Variants in CDH13 observed in about 807,000 individuals in gnomAD.
CDH13 encodes the protein cadherin-13.
In CDH13, 24 loss-of-function variants were observed where a neutral mutation model predicts 63.8. The observed-to-expected ratio is 0.38, with a 90% confidence interval of 0.27 to 0.53. CDH13 has a LOEUF of 0.53. CDH13 is among the 20% of genes least tolerant of loss of function. The pLI is 0.85. For synonymous variants in CDH13, 503 were observed against 355.3 expected, an observed-to-expected ratio of 1.42 and a Z score of -4.67; for missense variants, 1,049 against 903.1, an observed-to-expected ratio of 1.16 and a Z score of -2.07.
intron 1 of CDH13, among the ~76,000 whole-genome samples, chr16:82,697,241 T>C (rs542159960): frequency 8.5e-5 from 13 of 152,106 alleles, no homozygotes; most frequent in Admixed American, 7.2e-4. Flanking sequence ...AAAGAAGGCG[T>C]TGTATATTCA....
chr16:82,860,862 G>A (rs534265834), intron 2 of CDH13, among the ~76,000 whole-genome samples: 5 of 152,186 alleles, frequency 3.3e-5, no homozygotes, highest in South Asian at 2.1e-4. Flanking sequence ...TGCAAGTAGC[G>A]GTTCAATTGA....
chr16:83,436,278 A>G (rs530493257), intron 6 of CDH13, among the ~76,000 whole-genome samples: 62 of 152,226 alleles, frequency 4.1e-4, no homozygotes, highest in African/African-American at 1.4e-3. Flanking sequence ...TTCGCTACAT[A>G]TGTTTCTTCA....
chr16:82,911,094 G>C (rs1429474802), intron 2 of CDH13, among the ~76,000 whole-genome samples: 9 of 152,200 alleles, frequency 5.9e-5, no homozygotes, highest in African/African-American at 2.2e-4. Flanking sequence ...TCCCTAGATC[G>C]TAAGTTGATG....
chr16:82,725,359 T>C (rs1199844745), intron 1 of CDH13, among the ~76,000 whole-genome samples: 1 of 152,202 alleles, frequency 6.6e-6, no homozygotes, highest in Non-Finnish European at 1.5e-5. Context: ...TATTGTTCTC[T>C]CTATAGTGAG....
At chr16:82,660,081 T>G (rs1199630679) in intron 1 of CDH13, among the ~76,000 whole-genome samples, 1 of 152,292 alleles carries the variant, frequency 6.6e-6, no homozygotes, top group South Asian at 2.1e-4. Flanking sequence ...ACATAAATTT[T>G]AAAAAGCAGA....
chr16:82,675,494 C>T (rs575674612), intron 1 of CDH13, among the ~76,000 whole-genome samples: 51 of 152,280 alleles, frequency 3.3e-4, no homozygotes, highest in South Asian at 6.2e-4. Flanking sequence ...AGGTATTCTC[C>T]TCTGGTAGGA....
intron 6 of CDH13, among the ~76,000 whole-genome samples, chr16:83,458,520 G>A (rs774791168): frequency 6.6e-6 from 1 of 152,062 alleles, no homozygotes; most frequent in East Asian, 1.9e-4. Flanking sequence ...GTTATAGAAT[G>A]GAGTTCATCT....
At chr16:83,164,530 G>C (rs1055929761) in intron 4 of CDH13, among the ~76,000 whole-genome samples, 1 of 151,994 alleles carries the variant, frequency 6.6e-6, no homozygotes, top group Admixed American at 6.6e-5. Flanking sequence ...AAACCAGCCT[G>C]GCCAACATGG....
At chr16:82,988,293 C>T (rs758695136) in intron 2 of CDH13, among the ~76,000 whole-genome samples, 1 of 152,078 alleles carries the variant, frequency 6.6e-6, no homozygotes, top group Non-Finnish European at 1.5e-5. Flanking sequence ...CTGGGGGCAT[C>T]CAAGGTGAGG....
intron 10 of CDH13, among the ~76,000 whole-genome samples, chr16:83,688,217 C>G (rs750425899): frequency 6.6e-6 from 1 of 152,138 alleles, no homozygotes; most frequent in Non-Finnish European, 1.5e-5. Flanking sequence ...TAAGCAAAAA[C>G]CATCATTGAC....
intron 3 of CDH13, among the ~76,000 whole-genome samples, chr16:83,071,704 G>C (rs1301935681): frequency 6.6e-6 from 1 of 152,144 alleles, no homozygotes; most frequent in Non-Finnish European, 1.5e-5. Context: ...GTTGATAGGA[G>C]AAGACTATGT....
intron 2 of CDH13, among the ~76,000 whole-genome samples, chr16:82,973,516 T>C (rs768576079): frequency 1.3e-5 from 2 of 152,156 alleles, no homozygotes; most frequent in African/African-American, 2.4e-5. Context: ...TCTTGAAAGA[T>C]ACAAAGGAAA....
At chr16:82,710,470 T>C (rs2031826835) in intron 1 of CDH13, among the ~76,000 whole-genome samples, 2 of 137,120 alleles carry the variant, frequency 1.5e-5, no homozygotes, top group South Asian at 4.5e-4. Context: ...AGGGCGGAGC[T>C]TGCAGTGAGC....
intron 4 of CDH13, among the ~76,000 whole-genome samples, chr16:83,172,110 T>C (rs764105864): frequency 1.5e-4 from 23 of 152,124 alleles, no homozygotes; most frequent in Non-Finnish European, 3.2e-4. Context: ...TGAGGTCATT[T>C]GAGTAGACCC....
chr16:83,408,021 T>C (rs2092072841), intron 6 of CDH13, among the ~76,000 whole-genome samples: 2 of 152,184 alleles, frequency 1.3e-5, no homozygotes, highest in Admixed American at 1.3e-4. Context: ...TGCTAGCATC[T>C]TAATGGAGCG....
At chr16:83,033,847 C>T (rs187892428) in intron 3 of CDH13, among the ~76,000 whole-genome samples, 340 of 152,236 alleles carry the variant, frequency 2.2e-3, no homozygotes, top group African/African-American at 7.9e-3. Context: ...GATGGCATGC[C>T]CCTGCTTGGC....
At chr16:83,694,737 G>A (rs1905213402) in intron 10 of CDH13, among the ~76,000 whole-genome samples, 1 of 152,212 alleles carries the variant, frequency 6.6e-6, no homozygotes, top group South Asian at 2.1e-4. Context: ...AGGGCAGGGT[G>A]TGGCTCTGGG....
At chr16:83,268,837 G>C (rs927386556) in intron 5 of CDH13, among the ~76,000 whole-genome samples, 4 of 152,170 alleles carry the variant, frequency 2.6e-5, no homozygotes, top group Non-Finnish European at 4.4e-5. Flanking sequence ...ACCACAGAGA[G>C]GCCAGAGCTG....
chr16:83,332,549 C>A (rs898043643), intron 5 of CDH13, among the ~76,000 whole-genome samples: 3 of 152,162 alleles, frequency 2.0e-5, no homozygotes, highest in African/African-American at 7.2e-5. Flanking sequence ...AAAATACAAT[C>A]CCCAGTAATT....
Sources: gnomAD v4.1 joint callset for allele counts (sites outside exome capture counted in the v4.1 genomes callset) on GRCh38, gnomAD v4.1.1 for gene constraint, MANE v1.5 for transcripts, NCBI Gene and HGNC (gene_info 2026-07-23, HGNC 2026-07-21) for gene names.